Variants in CRPPA observed in about 807,000 individuals in gnomAD.
CRPPA encodes D-ribitol-5-phosphate cytidylyltransferase.
A neutral mutation model predicts 52.0 loss-of-function variants in CRPPA; 43 were observed. The ratio of observed to expected loss-of-function variants is 0.83; its 90% CI spans 0.65 to 1.07. The LOEUF (loss-of-function observed/expected upper bound fraction) is 1.07. Among genes scored for constraint, CRPPA ranks in the 50% least tolerant of loss-of-function variants. CRPPA has a pLI of 0.00. For synonymous variants in CRPPA, 250 were observed against 203.5 expected (o/e 1.23, Z -1.94); for missense variants, 629 against 551.7 (o/e 1.14, Z -1.40).
chr7:16,324,425 G>C (rs962918284), intron 3 of CRPPA, among the ~76,000 whole-genome samples: 15 of 152,200 alleles, frequency 9.9e-5, no homozygotes, highest in African/African-American at 3.6e-4. Context: ...TAATGAACCA[G>C]TTTGCTGTTT....
At chr7:16,373,417 C>T (rs866363333) in intron 3 of CRPPA, among the ~76,000 whole-genome samples, 3 of 152,284 alleles carry the variant, frequency 2.0e-5, no homozygotes, top group South Asian at 4.1e-4. Context: ...TATGATCATT[C>T]GTTTGAACAA....
chr7:16,317,280 A>T (rs1785163148), intron 3 of CRPPA, among the ~76,000 whole-genome samples: 1 of 152,202 alleles, frequency 6.6e-6, no homozygotes, highest in Non-Finnish European at 1.5e-5. Context: ...AAGTTATTAT[A>T]AAAAAACAAA....
rs982800089 is a variant in CRPPA at position 16,330,313 on chromosome 7, G to A, written c.685-21686C>T. Among the ~76,000 whole-genome samples, 12 of 152,248 alleles carry A rather than the reference G, an allele frequency of 7.9e-5. No individual in the cohort carries two copies. The East Asian group carries it at 2.1e-3, about 27-fold the overall frequency. On this transcript the variant is annotated intron_variant, in intron 3 of 9. Transcript: ENST00000407010. ...CCAGAAGAATATTTAAAACAAGATCGTCAAGACATATGTTTTTTGTTTCTA... is the reference window on the plus strand; with the variant it reads ...CCAGAAGAATATTTAAAACAAGATCATCAAGACATATGTTTTTTGTTTCTA...
intron 3 of CRPPA, among the ~76,000 whole-genome samples, chr7:16,314,037 G>C (rs1393050626): frequency 6.6e-6 from 1 of 151,886 alleles, no homozygotes; most frequent in East Asian, 1.9e-4. Context: ...GTGTTACTGG[G>C]GTCAAGTATG....
rs1459563364 is a variant in CRPPA, at chr7:16,328,537, C to T, written c.685-19910G>A. Among the ~76,000 whole-genome samples the T allele has an allele frequency of 3.3e-5, 5 of 152,222 alleles. 1 individual carries two copies. In the South Asian group the frequency reaches 8.3e-4, roughly 25 times the overall value. ...TTTGTTTTGTTCTGTTTTTCTGAGA[C>T]AGAGTCTCACTCTGTCACCCAGGCA... On this transcript the variant is annotated intron_variant, in intron 3 of 9. Transcript: ENST00000407010.
intron 9 of CRPPA, among the ~76,000 whole-genome samples, chr7:16,128,307 A>C (rs1339604432): frequency 1.3e-5 from 2 of 152,072 alleles, no homozygotes; most frequent in Non-Finnish European, 2.9e-5. Context: ...ATTACTTGAG[A>C]AAAAAAATAA....
At chr7:16,234,336 C>G (rs150102874) in intron 8 of CRPPA, among the ~76,000 whole-genome samples, 1 of 152,102 alleles carries the variant, frequency 6.6e-6, no homozygotes, top group East Asian at 1.9e-4. Flanking sequence ...AGGACACATA[C>G]AGAAAACAAT....
At chr7:16,332,787 C>A (rs1785584583) in intron 3 of CRPPA, among the ~76,000 whole-genome samples, 1 of 151,828 alleles carries the variant, frequency 6.6e-6, no homozygotes, top group Non-Finnish European at 1.5e-5. Flanking sequence ...CAATATTAAC[C>A]CAATTATATC....
At chr7:16,391,379 C>G (rs1398807734) in intron 2 of CRPPA, among the ~76,000 whole-genome samples, 1 of 152,170 alleles carries the variant, frequency 6.6e-6, no homozygotes, top group African/African-American at 2.4e-5. Flanking sequence ...CTATCCAAGT[C>G]CAAGCCACCC....
At chr7:16,116,386 C>T (rs528983528) in intron 9 of CRPPA, among the ~76,000 whole-genome samples, 1 of 152,220 alleles carries the variant, frequency 6.6e-6, no homozygotes, top group South Asian at 2.1e-4. Context: ...AATGAGTGGT[C>T]GGGCGCAGTG....
At chr7:16,119,398 T>C (rs1034511557) in intron 9 of CRPPA, among the ~76,000 whole-genome samples, 1 of 146,476 alleles carries the variant, frequency 6.8e-6, no homozygotes, top group Admixed American at 6.7e-5. Flanking sequence ...TTAAAAAAAA[T>C]GCAAAACACC....
rs376601220 is a variant in CRPPA at position 16,305,495 on chromosome 7, G to C, written c.789+3028C>G. On this transcript the variant is annotated intron_variant, in intron 4 of 9. Coordinates refer to ENST00000407010, the MANE Select transcript of CRPPA (RefSeq NM_001101426.4). ...TGATGCTATGATGCTGATTTCTAGT[G>C]GGGGGATCGCCCTTTCAGCATGTGT... 4.6e-5 allele frequency among the ~76,000 whole-genome samples: 7 copies of C among 152,254 alleles called. No individual in the cohort carries two copies. The East Asian group carries it at 7.7e-4, about 17-fold the overall frequency.
rs1788332254 is a variant in CRPPA at position 16,421,296 on chromosome 7, G to A, written c.27C>T (p.Ala9=). Residue 9 remains alanine, a synonymous_variant, in exon 1 of 10, where the codon GCC becomes GCT. Coordinates refer to ENST00000407010, the MANE Select transcript of CRPPA (RefSeq NM_001101426.4). ...GGCAAGGACCCGGCTCCGCCGGCCT[G>A]GCGCTGCCCGGCGGCCCGGCCTCCA... MEAGPPGS[A]RPAEPGPCLS... The A allele has an allele frequency of 3.2e-6, 4 of 1,265,590 alleles. No homozygotes were observed. Among genetic ancestry groups the A allele is most frequent in the Non-Finnish European group, 4.0e-6 (4 of 1,000,920 alleles). 78.4% of individuals were successfully genotyped at this position (1,265,590 alleles called of 1,614,324 possible).
chr7:16,343,064 C>T (rs1354825597), intron 3 of CRPPA, among the ~76,000 whole-genome samples: 1 of 151,604 alleles, frequency 6.6e-6, no homozygotes, highest in Non-Finnish European at 1.5e-5. Flanking sequence ...GTAAATGACA[C>T]ATGCACAAAG....
intron 2 of CRPPA, among the ~76,000 whole-genome samples, chr7:16,379,897 A>G (rs1207529204): frequency 2.6e-5 from 4 of 152,094 alleles, no homozygotes; most frequent in Non-Finnish European, 5.9e-5. Context: ...GGGCTGAGAC[A>G]ATGGGGTTTT....
chr7:16,172,745 C>A (rs1452385839), intron 9 of CRPPA, among the ~76,000 whole-genome samples: 1 of 152,088 alleles, frequency 6.6e-6, no homozygotes, highest in African/African-American at 2.4e-5. Context: ...TACTTTCAAT[C>A]CTAACTCATT....
chr7:16,279,187 T>C (rs1404975670), intron 5 of CRPPA, among the ~76,000 whole-genome samples: 1 of 152,164 alleles, frequency 6.6e-6, no homozygotes, highest in Non-Finnish European at 1.5e-5. Flanking sequence ...CAACTGCTTC[T>C]TACCTGAGCA....
chr7:16,178,884 T>C (rs1197280136), intron 9 of CRPPA, among the ~76,000 whole-genome samples: 6 of 152,086 alleles, frequency 3.9e-5, no homozygotes. Context: ...AAACACTGAG[T>C]GCACTTCATC....
chr7:16,226,987 T>C (rs1276200043), intron 8 of CRPPA, among the ~76,000 whole-genome samples: 1 of 151,922 alleles, frequency 6.6e-6, no homozygotes, highest in Non-Finnish European at 1.5e-5. Flanking sequence ...AGCAACATCA[T>C]TCAGTATTTG....
Sources: allele counts gnomAD v4.1 joint callset (sites outside exome capture counted in the v4.1 genomes callset), GRCh38; gene constraint gnomAD v4.1.1; transcripts MANE v1.5; gene names NCBI Gene and HGNC (gene_info 2026-07-23, HGNC 2026-07-21).